GALNT13: variants seen among roughly 807,000 people sequenced by gnomAD.
GALNT13 encodes polypeptide N-acetylgalactosaminyltransferase 13, also known as UDP-GalNAc:polypeptide N-acetylgalactosaminyltransferase 13.
Under a neutral mutation model 64.2 loss-of-function variants are expected in GALNT13, and 28 were observed. That is an observed-to-expected ratio of 0.44 (90% CI 0.32 to 0.60). The LOEUF (loss-of-function observed/expected upper bound fraction) is 0.60, where lower values mean the gene tolerates loss of function less well. Ranked by LOEUF, GALNT13 falls within the 20% of genes least tolerant of loss-of-function variation. GALNT13 has a pLI of 0.05. For missense variants in GALNT13, 577 were observed against 669.8 expected (o/e 0.86, Z 1.53); for synonymous variants, 214 against 224.6 (o/e 0.95, Z 0.42).
chr2:153,224,114 G>A, the GALNT13 span, among the ~76,000 whole-genome samples: 2 of 152,134 alleles, frequency 1.3e-5, no homozygotes, highest in African/African-American at 2.4e-5. Context: ...GAAAACAGAA[G>A]AGCAATTTAA....
chr2:153,946,715 T>C (rs965504376), intron 3 of GALNT13, among the ~76,000 whole-genome samples: 2 of 152,130 alleles, frequency 1.3e-5, no homozygotes, highest in Non-Finnish European at 2.9e-5. Flanking sequence ...TATCTCCTAA[T>C]ATCACTTTGA....
chr2:153,162,442 G>T, the GALNT13 span, among the ~76,000 whole-genome samples: 1 of 152,062 alleles, frequency 6.6e-6, no homozygotes, highest in Non-Finnish European at 1.5e-5. Context: ...CTGAAAATAT[G>T]GGACACCCCT....
chr2:153,190,693 A>G, the GALNT13 span, among the ~76,000 whole-genome samples: 1 of 152,042 alleles, frequency 6.6e-6, no homozygotes, highest in Non-Finnish European at 1.5e-5. Context: ...AAAAATATTA[A>G]TTCTCTCAAT....
At chr2:154,334,624 A>T (rs16836555) in intron 9 of GALNT13, among the ~76,000 whole-genome samples, 17,381 of 151,852 alleles carry the variant, frequency 0.11, 1,552 homozygotes, top group East Asian at 0.48. Context: ...TCTCAGTTAC[A>T]AACTTTCTAG....
chr2:154,017,674 T>C (rs1245044676), intron 3 of GALNT13, among the ~76,000 whole-genome samples: 1 of 152,200 alleles, frequency 6.6e-6, no homozygotes, highest in Non-Finnish European at 1.5e-5. Flanking sequence ...TTCGTATCGC[T>C]CTGGCAAATG....
At chr2:154,154,502 G>A (rs773372410) in intron 4 of GALNT13, among the ~76,000 whole-genome samples, 8 of 152,146 alleles carry the variant, frequency 5.3e-5, no homozygotes, top group East Asian at 1.9e-4. Context: ...TTTAGGAAGC[G>A]TTATTCTTGC....
At chr2:153,214,656 G>A in the GALNT13 span, among the ~76,000 whole-genome samples, 2 of 152,028 alleles carry the variant, frequency 1.3e-5, no homozygotes, top group Non-Finnish European at 2.9e-5. Context: ...AAGTAACTGG[G>A]ACTTAAACAT....
At chr2:153,222,819 G>C in the GALNT13 span, among the ~76,000 whole-genome samples, 1 of 152,208 alleles carries the variant, frequency 6.6e-6, no homozygotes. Flanking sequence ...GGAGTGGAGA[G>C]AGGCCAGGGA....
chr2:154,329,232 A>T (rs1326060258), intron 9 of GALNT13, among the ~76,000 whole-genome samples: 1 of 152,068 alleles, frequency 6.6e-6, no homozygotes, highest in Non-Finnish European at 1.5e-5. Flanking sequence ...CCACCTCCCA[A>T]GTAGTTGGGA....
At chr2:153,503,824 C>T in the GALNT13 span, among the ~76,000 whole-genome samples, 44 of 152,262 alleles carry the variant, frequency 2.9e-4, no homozygotes, top group Admixed American at 2.6e-3. Context: ...AATGTGATGC[C>T]TCCAGATTTG....
chr2:154,055,074 C>T (rs1186094512), intron 3 of GALNT13, among the ~76,000 whole-genome samples: 1 of 151,868 alleles, frequency 6.6e-6, no homozygotes, highest in Non-Finnish European at 1.5e-5. Context: ...AATCTAGGCT[C>T]TGTCTGGTTC....
chr2:153,195,266 G>A, the GALNT13 span, among the ~76,000 whole-genome samples: 1 of 152,152 alleles, frequency 6.6e-6, no homozygotes, highest in Non-Finnish European at 1.5e-5. Flanking sequence ...CCTGACTCTT[G>A]TTTGGGCCTG....
the GALNT13 span, among the ~76,000 whole-genome samples, chr2:153,544,225 G>A: frequency 6.6e-5 from 10 of 152,262 alleles, no homozygotes; most frequent in Admixed American, 5.9e-4. Context: ...CTGAATATAC[G>A]GTTGCTGCAT....
chr2:153,783,362 CAAAAT>C, the GALNT13 span, among the ~76,000 whole-genome samples: 6 of 152,066 alleles, frequency 3.9e-5, no homozygotes, highest in African/African-American at 1.2e-4. Context: ...TTAAAATTAA[CAAAAT>C]AAAAGAATCA....
chr2:153,088,092 G>A, the GALNT13 span, among the ~76,000 whole-genome samples: 1 of 151,878 alleles, frequency 6.6e-6, no homozygotes, highest in Admixed American at 6.6e-5. Context: ...GACTTTTTGT[G>A]TAGGCATTTA....
At chr2:153,931,089 G>C (rs1303765935) in intron 2 of GALNT13, among the ~76,000 whole-genome samples, 1 of 151,204 alleles carries the variant, frequency 6.6e-6, no homozygotes, top group South Asian at 2.1e-4. Flanking sequence ...GTGTGTGTGT[G>C]TGTGTGTGTG....
At chr2:154,300,330 T>C (rs1693368116) in intron 8 of GALNT13, among the ~76,000 whole-genome samples, 1 of 151,806 alleles carries the variant, frequency 6.6e-6, no homozygotes, top group Admixed American at 6.6e-5. Flanking sequence ...CTCAAACTCC[T>C]GACCTCACAT....
intron 9 of GALNT13, among the ~76,000 whole-genome samples, chr2:154,337,232 C>T (rs1695504858): frequency 6.6e-6 from 1 of 151,872 alleles, no homozygotes; most frequent in Non-Finnish European, 1.5e-5. Flanking sequence ...ATTGTAATAC[C>T]ACACCAAGTA....
intron 3 of GALNT13, among the ~76,000 whole-genome samples, chr2:154,007,979 G>A (rs181209330): frequency 6.0e-5 from 9 of 148,922 alleles, no homozygotes; most frequent in East Asian, 3.9e-4. Flanking sequence ...CTACCCCTCC[G>A]TCAGTGCCCC....
Sources: allele counts gnomAD v4.1 joint callset (sites outside exome capture counted in the v4.1 genomes callset), GRCh38; gene constraint gnomAD v4.1.1; transcripts MANE v1.5; gene names NCBI Gene and HGNC (gene_info 2026-07-23, HGNC 2026-07-21).